CYRIB: variants seen among roughly 807,000 people sequenced by gnomAD.
CYRIB encodes the protein CYFIP-related Rac1 interactor B.
A neutral mutation model predicts 44.2 loss-of-function variants in CYRIB; 8 were observed. That is an observed-to-expected ratio of 0.18 (90% confidence interval 0.11 to 0.33). The LOEUF is 0.33. Among genes scored for constraint, CYRIB ranks in the 10% least tolerant of loss-of-function variants. The pLI is 1.00. For missense variants in CYRIB, 185 were observed against 382.8 expected (o/e 0.48, Z 4.31); for synonymous variants, 131 against 127.2 (o/e 1.03, Z -0.20).
chr8:129,921,857 T>TA (rs1364178046), intron 1 of CYRIB, among the ~76,000 whole-genome samples: 3 of 151,932 alleles, frequency 2.0e-5, no homozygotes, highest in Non-Finnish European at 4.4e-5. Context: ...GTGTGAAGAT[T>TA]AAAAAAAGAA....
chr8:129,917,163 G>GT (rs1020566378), intron 1 of CYRIB, among the ~76,000 whole-genome samples: 2 of 152,160 alleles, frequency 1.3e-5, no homozygotes, highest in African/African-American at 2.4e-5. Context: ...ACACCAAACT[G>GT]TTTAAGATTT....
At chr8:129,954,442 C>T (rs2094679632) in intron 2 of CYRIB, among the ~76,000 whole-genome samples, 1 of 152,030 alleles carries the variant, frequency 6.6e-6, no homozygotes, top group Non-Finnish European at 1.5e-5. Flanking sequence ...AGGCTGGTCT[C>T]GAACTCCTGA....
intron 5 of CYRIB, among the ~76,000 whole-genome samples, chr8:129,858,307 G>T (rs2047288947): frequency 1.3e-5 from 2 of 152,200 alleles, no homozygotes; most frequent in South Asian, 2.1e-4. Context: ...TTAAAAAGCA[G>T]ATGACCAGGA....
At chr8:129,894,486 C>T (rs1228146041) in intron 2 of CYRIB, 2 of 152,226 alleles carry the variant, frequency 1.3e-5, no homozygotes, top group Non-Finnish European at 2.9e-5. Flanking sequence ...CCCACTCCTA[C>T]CTTTCTGCAC....
intron 1 of CYRIB, among the ~76,000 whole-genome samples, chr8:129,919,936 C>T (rs76776652): frequency 0.031 from 4,752 of 152,084 alleles, 254 homozygotes; most frequent in African/African-American, 0.11. Context: ...TACAAAACTG[C>T]ACTGATTTAT....
rs74644641 is a variant in CYRIB at position 129,897,622 on chromosome 8, A to G, written c.-11+5690T>C. Among the ~76,000 whole-genome samples the G allele has an allele frequency of 8.9e-3, 1,339 of 150,356 alleles. 19 individuals carry two copies. The highest frequency in any genetic ancestry group is 0.031 in the African/African-American group (1,277 of 40,758). On this transcript the variant is annotated intron_variant, in intron 2 of 11. Transcript: ENST00000519824. ...CCAGCCAAGAATTTAGCTTCTGAGT[A>G]GAGTTTATAAGTGATTTTCTAGGTA...
chr8:129,894,434 C>T (rs1013961028), intron 2 of CYRIB: 1 of 152,140 alleles, frequency 6.6e-6, no homozygotes, highest in African/African-American at 2.4e-5. Context: ...ATATGCATTT[C>T]CTTTGTCACC....
At chr8:129,862,764 G>C (rs1398317350) in intron 4 of CYRIB, among the ~76,000 whole-genome samples, 1 of 152,110 alleles carries the variant, frequency 6.6e-6, no homozygotes, top group Non-Finnish European at 1.5e-5. Context: ...GAGCCACCAC[G>C]CACGGCTGAG....
chr8:129,890,494 C>T (rs1055887786), intron 2 of CYRIB: 7 of 152,144 alleles, frequency 4.6e-5, no homozygotes, highest in South Asian at 2.1e-4. Context: ...AGACATAAAT[C>T]GTATCAATAA....
intron 9 of CYRIB, 135 bp from the exon 12 acceptor site, chr8:129,849,504 A>C: frequency 1.3e-6 from 1 of 761,896 alleles, no homozygotes; most frequent in Non-Finnish European, 2.0e-6. Context: ...GTATGTTCAC[A>C]AGTAGCCACA....
chr8:129,921,508 T>C (rs1035524771), intron 1 of CYRIB, among the ~76,000 whole-genome samples: 1 of 152,132 alleles, frequency 6.6e-6, no homozygotes, highest in Non-Finnish European at 1.5e-5. Context: ...TAGACTGGAG[T>C]GCAGCGGCAC....
intron 1 of CYRIB, among the ~76,000 whole-genome samples, chr8:129,939,086 A>G (rs917388747): frequency 6.6e-6 from 1 of 152,188 alleles, no homozygotes; most frequent in Non-Finnish European, 1.5e-5. Context: ...GGAGCGATAA[A>G]GACACCAACT....
chr8:129,929,281 A>AAG (rs967454324), intron 1 of CYRIB, among the ~76,000 whole-genome samples: 14 of 151,700 alleles, frequency 9.2e-5, no homozygotes, highest in African/African-American at 3.4e-4. Context: ...ACACGGGGAG[A>AAG]AGAGAGAGAG....
upstream of CYRIB, chr8:130,016,930 TG>T (rs2097359259): frequency 6.6e-6 from 1 of 152,210 alleles, no homozygotes; most frequent in Non-Finnish European, 1.5e-5. Flanking sequence ...CCAAGGTCAC[TG>T]CCTGTCAGGC....
intron 1 of CYRIB, among the ~76,000 whole-genome samples, chr8:129,998,119 C>CAAAAAAAAA (rs34658935): frequency 5.4e-5 from 5 of 93,184 alleles, no homozygotes; most frequent in Non-Finnish European, 6.8e-5. Flanking sequence ...GACTCTGTCT[C>CAAAAAAAAA]AAAAAAAAAA....
chr8:129,842,328 T>C (rs1355194807), intron 11 of CYRIB, 123 bp from the exon 14 acceptor site: 4 of 694,218 alleles, frequency 5.8e-6, no homozygotes, highest in East Asian at 5.4e-5. Flanking sequence ...TGGCTTCTCA[T>C]TGTAGCTTTA....
In CYRIB at chr8:130,012,019, G is replaced by A. The variant is rs112040477; in HGVS notation, c.-296+4351C>T. 6.6e-5 allele frequency among the ~76,000 whole-genome samples: 10 copies of A among 151,960 alleles called. 1 individual carries two copies. The highest frequency in any genetic ancestry group is 2.4e-4 in the African/African-American group (10 of 41,428). Reference sequence around the variant, plus strand: ...AAGAAAAGGATCCTTTCCAAAACACGTCTTCAGTTTTTTAATAAACCCCGC... The same window carrying A: ...AAGAAAAGGATCCTTTCCAAAACACATCTTCAGTTTTTTAATAAACCCCGC... On this transcript the variant is annotated intron_variant, in intron 1 of 14. Transcript: ENST00000401979.
intron 1 of CYRIB, among the ~76,000 whole-genome samples, chr8:129,991,133 GAAA>G (rs35682865): frequency 3.0e-5 from 2 of 67,752 alleles, no homozygotes; most frequent in African/African-American, 5.4e-5. Context: ...CTCTGTCTCA[GAAA>G]AAAAAAAAAA....
intron 4 of CYRIB, 45 bp from the exon 7 acceptor site, chr8:129,862,379 AAAG>A (rs748623847): frequency 6.9e-7 from 1 of 1,455,530 alleles, no homozygotes; most frequent in South Asian, 1.2e-5. Flanking sequence ...AAAAAAAAAA[AAAG>A]GTTCATTTTT....
Sources: gnomAD v4.1 joint callset for allele counts (sites outside exome capture counted in the v4.1 genomes callset) on GRCh38, gnomAD v4.1.1 for gene constraint, MANE v1.5 for transcripts, NCBI Gene and HGNC (gene_info 2026-07-23, HGNC 2026-07-21) for gene names.